Variants in SON observed in about 807,000 individuals in gnomAD.
The protein encoded by SON is SON DNA and RNA binding protein, also known as protein SON.
In SON, 4 loss-of-function variants were observed where a neutral mutation model predicts 173.3. That is an observed-to-expected ratio of 0.02 (90% CI 0.01 to 0.05). SON has a LOEUF of 0.05. Among genes scored for constraint, SON ranks in the 10% least tolerant of loss-of-function variants. The pLI is 1.00. For missense variants in SON, 2,626 were observed against 3,055.3 expected, an observed-to-expected ratio of 0.86 and a Z score of 3.31; for synonymous variants, 1,190 against 1,105.9, an observed-to-expected ratio of 1.08 and a Z score of -1.51.
chr21:33,560,866 G>C (rs996121896), intron 6 of SON: 1 of 152,384 alleles, frequency 6.6e-6, no homozygotes, highest in Non-Finnish European at 1.5e-5. Context: ...GTAGATCAGA[G>C]ACACCTGTAC....
intron 8 of SON, among the ~76,000 whole-genome samples, chr21:33,570,451 A>G (rs1601295084): frequency 6.6e-6 from 1 of 152,302 alleles, no homozygotes; most frequent in East Asian, 1.9e-4. Context: ...TTTTTTGGGA[A>G]GTAGTTGCAC....
Position 33,550,858 on chromosome 21 carries a change from A to G in SON, c.1627A>G (p.Thr543Ala), listed in dbSNP as rs1286796632. 1.9e-6 allele frequency: 3 copies of G among 1,613,414 alleles called. No individual in the cohort carries two copies. Among genetic ancestry groups the G allele is most frequent in the East Asian group, 2.2e-5 (1 of 44,836 alleles). The stretch of plus-strand genomic sequence containing the variant: ...AGGGTTGCTGGGGCAGCCTGAGGCA[A>G]CGATGGTGCTGGAGTTGCCAGGACA... ...ATGLLGQPEA[T>A]MVLELPGQPV... Residue 543 changes from threonine (T) to alanine (A), a missense_variant, in exon 3 of 12, where the codon ACG (threonine) becomes GCG (alanine). By Grantham distance (58) the Thr-to-Ala change is moderately conservative. Transcript: ENST00000356577.
Position 33,551,121 on chromosome 21 carries a change from GGAGTTGCCAGGGCAGCCTGGGGCGCCA to G in SON, c.1899_1925del (p.Gly637_Pro645del). On this transcript the variant is annotated inframe_deletion, in exon 3 of 12. Transcript: ENST00000356577. Reference sequence around the variant, plus strand: ...GGCAGCCTCTGGCAACAGGGGTGCTGGAGTTGCCAGGGCAGCCTGGGGCGCCAGAGTTGCCTGGGCAGCCTGTGGCAA... The same window carrying G: ...GGCAGCCTCTGGCAACAGGGGTGCTGGAGTTGCCTGGGCAGCCTGTGGCAA... The G allele has an allele frequency of 1.2e-6, 2 of 1,612,980 alleles. No individual in the cohort carries two copies. Among genetic ancestry groups the G allele is most frequent in the Non-Finnish European group, 8.5e-7 (1 of 1,179,372 alleles).
rs377031623 is a variant in SON, at chr21:33,546,372, T to C, written c.237T>C (p.Tyr79=). 23 of 1,594,306 alleles carry C rather than the reference T, an allele frequency of 1.4e-5. No homozygotes were observed. In the African/African-American group the frequency reaches 2.4e-4, roughly 17 times the overall value. Residue 79 remains tyrosine, a synonymous_variant, in exon 2 of 12, where the codon TAT becomes TAC. Transcript: ENST00000356577. ...GGGTCTTAGATACAGAACTACGATA[T>C]AAGCCAGGTAAGTTGGAGATAATTA... ...LSGVLDTELR[Y]KPDLKEGSRK...
chr21:33,551,488 T>A lies in SON; in HGVS notation c.2257T>A (p.Ser753Thr), dbSNP rs755984687. ...GATGCTAGCATCCAACACCATGGACTCCCAGATGTTAGCGTCTAGCACCAT... is the reference window on the plus strand; with the variant it reads ...GATGCTAGCATCCAACACCATGGACACCCAGATGTTAGCGTCTAGCACCAT... The part of the protein sequence containing the change: ...SQMLASNTMD[S>T]QMLASSTMDS... Residue 753 changes from serine to threonine, a missense_variant, in exon 3 of 12, where the codon TCC becomes ACC. Ser to Thr is a moderately conservative substitution (Grantham distance 58, BLOSUM62 1). This residue lies in a region of SON where 182 missense variants were observed against 193.6 expected (regional missense o/e 0.94). Coordinates refer to ENST00000356577, the MANE Select transcript of SON (RefSeq NM_138927.4). 4 of 1,614,138 alleles carry A rather than the reference T, an allele frequency of 2.5e-6. No homozygotes were observed. Among genetic ancestry groups the A allele is most frequent in the Non-Finnish European group, 3.4e-6 (4 of 1,179,998 alleles).
intron 2 of SON, among the ~76,000 whole-genome samples, chr21:33,547,940 G>A (rs1359531138): frequency 6.6e-6 from 1 of 151,174 alleles, no homozygotes; most frequent in Non-Finnish European, 1.5e-5. Context: ...AGCCAGGATG[G>A]TCTTGATCTC....
chr21:33,548,233 C>G (rs1435849448), intron 2 of SON, among the ~76,000 whole-genome samples: 1 of 151,580 alleles, frequency 6.6e-6, no homozygotes, highest in Non-Finnish European at 1.5e-5. Flanking sequence ...GTATTCTTTT[C>G]TAAAATAGAA....
Position 33,575,587 on chromosome 21 carries a change from T to A in SON, c.7034-9T>A, listed in dbSNP as rs776002716. The A allele has an allele frequency of 6.2e-7, 1 of 1,602,506 alleles. No homozygotes were observed. The highest frequency in any genetic ancestry group is 8.5e-7 in the Non-Finnish European group (1 of 1,175,486). On this transcript the variant is annotated splice_polypyrimidine_tract_variant and intron_variant, in intron 9 of 11. Transcript: ENST00000356577. ...TGAAATTTATTTAGTGAACAATTTT[T>A]TTTTAAAGGTCTTGTTGCAGTAGGA...
Position 33,554,492 on chromosome 21 carries a change from G to T in SON, c.5261G>T (p.Gly1754Val). Residue 1754 changes from glycine (G) to valine (V), a missense_variant, in exon 3 of 12, where the codon GGA (glycine) becomes GTA (valine). Transcript: ENST00000356577. ...ACAAGCCTTAGAGCTGGCATTGAAG[G>T]ACCTTTACTTGCAAGTGATGTTGGA... ...RLTSLRAGIE[G>V]PLLASDVGRD... The T allele has an allele frequency of 6.2e-7, 1 of 1,614,124 alleles. No individual in the cohort carries two copies. Among genetic ancestry groups the T allele is most frequent in the Non-Finnish European group, 8.5e-7 (1 of 1,180,042 alleles).
intron 6 of SON, among the ~76,000 whole-genome samples, chr21:33,565,153 C>T (rs370387497): frequency 5.1e-4 from 77 of 152,116 alleles, no homozygotes; most frequent in African/African-American, 1.4e-3. Flanking sequence ...GAAGAACATT[C>T]GCAGGTGTAA....
At chr21:33,563,599 T>C (rs943670422) in intron 6 of SON, among the ~76,000 whole-genome samples, 4 of 152,206 alleles carry the variant, frequency 2.6e-5, no homozygotes, top group South Asian at 2.1e-4. Flanking sequence ...TCCTAACAAT[T>C]ATCTTTAGCT....
intron 8 of SON, chr21:33,573,038 A>AT (rs111991289): frequency 0.062 from 16,468 of 265,220 alleles, no homozygotes; most frequent in Middle Eastern, 0.095. Flanking sequence ...GAGTGTTCTA[A>AT]TTTTTTTTTT....
intron 11 of SON, 54 bp downstream of exon 11, chr21:33,575,947 A>G: frequency 1.2e-6 from 1 of 855,156 alleles, no homozygotes; most frequent in Non-Finnish European, 1.9e-6. Flanking sequence ...GATGACTTAG[A>G]GGGTGAGGGG....
intron 2 of SON, among the ~76,000 whole-genome samples, chr21:33,548,504 A>G (rs1017938567): frequency 4.6e-5 from 7 of 152,228 alleles, no homozygotes; most frequent in African/African-American, 7.2e-5. Context: ...AATATTTTAT[A>G]TTTGTTATTC....
intron 2 of SON, among the ~76,000 whole-genome samples, chr21:33,547,538 T>G (rs144380101): frequency 0.01 from 1,582 of 152,238 alleles, 13 homozygotes; most frequent in Non-Finnish European, 0.017. Context: ...ACTTTAGCTG[T>G]GCTTAGATTC....
chr21:33,546,175 T>C (rs2085610314), intron 1 of SON, 38 bp from the exon 2 acceptor site: 13 of 1,548,402 alleles, frequency 8.4e-6, no homozygotes, highest in Non-Finnish European at 1.1e-5. Context: ...AATGGTATGA[T>C]AAAATATTAA....
At chr21:33,556,323 TTACTA>T (rs1288241222) in intron 3 of SON, among the ~76,000 whole-genome samples, 3 of 152,150 alleles carry the variant, frequency 2.0e-5, no homozygotes, top group Admixed American at 1.3e-4. Context: ...CAGAATGTGA[TTACTA>T]TAATACTGAT....
chr21:33,568,534 T>G (rs1008036793), intron 7 of SON, among the ~76,000 whole-genome samples: 1 of 152,234 alleles, frequency 6.6e-6, no homozygotes, highest in Non-Finnish European at 1.5e-5. Context: ...AGTGGACAGT[T>G]TCCTACATTT....
At chr21:33,560,594 A>G in intron 6 of SON, 1 of 916,332 alleles carries the variant, frequency 1.1e-6, no homozygotes, top group Non-Finnish European at 1.3e-6. Context: ...ATATATATAT[A>G]TCTGTATCTT....
Sources: gnomAD v4.1 joint callset for allele counts (sites outside exome capture counted in the v4.1 genomes callset) on GRCh38, gnomAD v4.1.1 for gene constraint, gnomAD v4.1.1 regional missense constraint, MANE v1.5 for transcripts, NCBI Gene and HGNC (gene_info 2026-07-23, HGNC 2026-07-21) for gene names.